KASH5: variants seen among roughly 807,000 people sequenced by gnomAD.
KASH5 encodes the protein protein KASH5.
Under a neutral mutation model 84.2 loss-of-function variants are expected in KASH5, and 72 were observed. The observed-to-expected ratio is 0.85, with a 90% CI of 0.71 to 1.04. The LOEUF is 1.04. KASH5 is among the 50% of genes least tolerant of loss of function. The probability of loss-of-function intolerance (pLI) is 0.00; values close to 1 mark genes in which losing one functional copy is unlikely to be tolerated. For synonymous variants in KASH5, 260 were observed against 279.1 expected (o/e 0.93, Z 0.68); for missense variants, 650 against 701.0 (o/e 0.93, Z 0.82).
rs1164177840 is a variant in KASH5, at chr19:49,395,980, C to T, written c.400+147C>T. On this transcript the variant is annotated intron_variant, in intron 5 of 19. Transcript: ENST00000447857. The surrounding 1 kb of genome is among the most constrained non-coding windows in gnomAD (Gnocchi z 4.4). ...TGTGAGTGTGGCTTTCTAGGTCCTC[C>T]GTCCCTTCCTTCCGTGAGCTTTGGG... The T allele has an allele frequency of 4.6e-6, 3 of 647,354 alleles. No homozygotes were observed. The highest frequency in any genetic ancestry group is 2.5e-5 in the Admixed American group (1 of 39,590). The allele number at this position is 647,354 out of a possible 1,614,324, so 40.1% of individuals were successfully genotyped here.
At position 49,412,885 on chromosome 19, in the gene KASH5, G is replaced by T. The variant is rs916758805; in HGVS notation, c.1270-83G>T. 3 of 1,378,604 alleles carry T rather than the reference G, an allele frequency of 2.2e-6. No homozygotes were observed. The highest frequency in any genetic ancestry group is 3.0e-6 in the Non-Finnish European group (3 of 989,894). The allele number at this position is 1,378,604 out of a possible 1,614,324, so 85.4% of individuals were successfully genotyped here. On this transcript the variant is annotated intron_variant, in intron 15 of 19. Transcript: ENST00000447857. This position sits in a 1 kb window ranked among gnomAD's most constrained non-coding sequence, Gnocchi z 4.6. Reference sequence around the variant, plus strand: ...CCTTTTGTATATGGGGTCTGGGACCGGCGGGGGAGACAGTGGGCACTGTTA... The same window carrying T: ...CCTTTTGTATATGGGGTCTGGGACCTGCGGGGGAGACAGTGGGCACTGTTA...
At chr19:49,407,132 G>A (rs1974551290) in intron 10 of KASH5, 108 bp from the exon 11 acceptor site, 1 of 1,400,116 alleles carries the variant, frequency 7.1e-7, no homozygotes, top group South Asian at 1.2e-5. Context: ...GAACATCTCA[G>A]GAGGCTGAAT....
chr19:49,396,490 G>A (rs570485858), intron 5 of KASH5, among the ~76,000 whole-genome samples: 28 of 152,134 alleles, frequency 1.8e-4, no homozygotes, highest in South Asian at 1.2e-3. Context: ...CCGACCTCAG[G>A]TGATCCAACT....
chr19:49,407,167 G>A (rs552486049), intron 10 of KASH5, 73 bp from the exon 11 acceptor site: 1 of 1,548,218 alleles, frequency 6.5e-7, no homozygotes, highest in African/African-American at 1.4e-5. Flanking sequence ...GAGAACAGGT[G>A]GGGCCAGGTG....
Position 49,417,135 on chromosome 19 carries a change from T to C in KASH5, c.1440-24T>C, listed in dbSNP as rs963333674. ...ACTGGGGCAAGGAAAAACCCAGTGGTGATTCCCTCCTTCACCCCAGCAGAC... is the reference window on the plus strand; with the variant it reads ...ACTGGGGCAAGGAAAAACCCAGTGGCGATTCCCTCCTTCACCCCAGCAGAC... On this transcript the variant is annotated intron_variant, in intron 18 of 19. Transcript: ENST00000447857. The surrounding 1 kb of genome is among the most constrained non-coding windows in gnomAD (Gnocchi z 5.2). The C allele has an allele frequency of 6.2e-7, 1 of 1,611,584 alleles. No individual in the cohort carries two copies. The highest frequency in any genetic ancestry group is 1.3e-5 in the African/African-American group (1 of 74,982).
intron 2 of KASH5, chr19:49,393,280 G>A (rs1169143614): frequency 1.3e-5 from 2 of 152,214 alleles, no homozygotes; most frequent in Non-Finnish European, 2.9e-5. Flanking sequence ...TTCTATTCTT[G>A]AGTCCCCACC....
rs2122257935 is a variant in KASH5 at position 49,417,841 on chromosome 19, C to T, written c.*331C>T. ...ATTCTCCTGTCCCCTCCCTCATGCTCAGGAGTTGGCAGTTGTAGCTTCCTA... is the reference window on the plus strand; with the variant it reads ...ATTCTCCTGTCCCCTCCCTCATGCTTAGGAGTTGGCAGTTGTAGCTTCCTA... On this transcript the variant is annotated 3_prime_UTR_variant, in exon 20 of 20. Coordinates refer to ENST00000447857, the MANE Select transcript of KASH5 (RefSeq NM_144688.5). This position sits in a 1 kb window ranked among gnomAD's most constrained non-coding sequence, Gnocchi z 5.2. 1 of 280,450 alleles carries T rather than the reference C, an allele frequency of 3.6e-6. No individual in the cohort carries two copies. The highest frequency in any genetic ancestry group is 1.6e-4 in the South Asian group (1 of 6,216). The allele number at this position is 280,450 out of a possible 1,614,324, so 17.4% of individuals were successfully genotyped here. A position where few individuals can be genotyped will look rare whatever the true frequency, so the allele number is the denominator to read the frequency against.
At position 49,412,895 on chromosome 19, in the gene KASH5, A is replaced by T; in HGVS notation, c.1270-73A>T. The T allele has an allele frequency of 6.9e-7, 1 of 1,457,294 alleles. No homozygotes were observed. Among genetic ancestry groups the T allele is most frequent in the Non-Finnish European group, 9.4e-7 (1 of 1,061,830 alleles). The allele number at this position is 1,457,294 out of a possible 1,614,324, so 90.3% of individuals were successfully genotyped here. A position where few individuals can be genotyped will look rare whatever the true frequency, so the allele number is the denominator to read the frequency against. On this transcript the variant is annotated intron_variant, in intron 15 of 19. Transcript: ENST00000447857. The surrounding 1 kb of genome is among the most constrained non-coding windows in gnomAD (Gnocchi z 4.6). ...ATGGGGTCTGGGACCGGCGGGGGAGACAGTGGGCACTGTTAGGGTTGGAGC... is the reference window on the plus strand; with the variant it reads ...ATGGGGTCTGGGACCGGCGGGGGAGTCAGTGGGCACTGTTAGGGTTGGAGC...
chr19:49,404,831 C>A (rs988890309), intron 9 of KASH5, among the ~76,000 whole-genome samples: 13 of 152,190 alleles, frequency 8.5e-5, no homozygotes, highest in African/African-American at 3.1e-4. Context: ...TATAGCACCA[C>A]CCAATCTTGC....
intron 17 of KASH5, chr19:49,415,330 GGAGA>G (rs1974871182): frequency 2.6e-6 from 1 of 388,660 alleles, no homozygotes; most frequent in African/African-American, 2.1e-5. Context: ...CCCACACTCG[GGAGA>G]GGTTGGGCCG....
At chr19:49,415,793 T>C (rs1974886687) in intron 17 of KASH5, among the ~76,000 whole-genome samples, 1 of 152,188 alleles carries the variant, frequency 6.6e-6, no homozygotes, top group Non-Finnish European at 1.5e-5. Context: ...AAGGACTATG[T>C]CATAAAGGGC....
intron 9 of KASH5, among the ~76,000 whole-genome samples, chr19:49,403,861 A>G (rs763885527): frequency 5.3e-5 from 8 of 152,188 alleles, no homozygotes; most frequent in Non-Finnish European, 8.8e-5. Context: ...CCTCCCCTCT[A>G]CCTTCCCCCT....
Position 49,416,457 on chromosome 19 carries a change from C to T in KASH5, c.1375-558C>T, listed in dbSNP as rs1160757614. On this transcript the variant is annotated intron_variant, in intron 17 of 19. Coordinates refer to ENST00000447857, the MANE Select transcript of KASH5 (RefSeq NM_144688.5). The surrounding 1 kb of genome is among the most constrained non-coding windows in gnomAD (Gnocchi z 5.4). Reference sequence around the variant, plus strand: ...CCGCCCGCTTCAGCCTCCCAAAGTGCCGGGATTACAGGCATGAGCCACTGC... The same window carrying T: ...CCGCCCGCTTCAGCCTCCCAAAGTGTCGGGATTACAGGCATGAGCCACTGC... Among the ~76,000 whole-genome samples the T allele has an allele frequency of 6.6e-6, 1 of 152,166 alleles. No homozygotes were observed. Among genetic ancestry groups the T allele is most frequent in the Non-Finnish European group, 1.5e-5 (1 of 68,026 alleles).
At chr19:49,409,951 A>C in intron 15 of KASH5, 76 bp downstream of exon 15, 2 of 1,550,442 alleles carry the variant, frequency 1.3e-6, no homozygotes, top group Non-Finnish European at 1.8e-6. Context: ...TGGCCAGCCC[A>C]TTCACTCACA....
intron 9 of KASH5, among the ~76,000 whole-genome samples, chr19:49,404,803 A>G (rs1974471941): frequency 6.6e-6 from 1 of 152,196 alleles, no homozygotes; most frequent in South Asian, 2.1e-4. Context: ...TTACTCCTGA[A>G]TGGCACAATT....
chr19:49,396,243 C>G (rs10405724), intron 5 of KASH5, among the ~76,000 whole-genome samples: 1 of 35,880 alleles, frequency 2.8e-5, no homozygotes, highest in Admixed American at 2.7e-4. Flanking sequence ...CCCTGCTGGA[C>G]TTTTTTTTTT....
chr19:49,388,846 C>T (rs1185475897), intron 1 of KASH5, among the ~76,000 whole-genome samples: 1 of 151,994 alleles, frequency 6.6e-6, no homozygotes, highest in Non-Finnish European at 1.5e-5. Context: ...TCCCCAAAAT[C>T]CTATTACTCT....
At chr19:49,402,236 A>T (rs1974384062) in intron 9 of KASH5, among the ~76,000 whole-genome samples, 1 of 150,148 alleles carries the variant, frequency 6.7e-6, no homozygotes, top group Non-Finnish European at 1.5e-5. Context: ...AGCAAGACTC[A>T]GTCTCAAAAA....
chr19:49,407,485 C>T (rs1321680240), intron 11 of KASH5, 127 bp from the exon 12 acceptor site: 1 of 1,174,658 alleles, frequency 8.5e-7, no homozygotes, highest in Non-Finnish European at 1.2e-6. Flanking sequence ...GGTGCTCTCC[C>T]TTGTGCCCCA....
Sources: gnomAD v4.1 joint callset for allele counts (sites outside exome capture counted in the v4.1 genomes callset) on GRCh38, gnomAD v4.1.1 for gene constraint, Gnocchi (gnomAD v3.1) non-coding constraint, MANE v1.5 for transcripts, NCBI Gene and HGNC (gene_info 2026-07-23, HGNC 2026-07-21) for gene names.